The following CUL1 variants were observed in gnomAD, a reference collection of about 807,000 sequenced individuals.
CUL1 encodes cullin-1.
A neutral mutation model predicts 118.0 loss-of-function variants in CUL1; 24 were observed. The observed-to-expected ratio is 0.20, with a 90% CI of 0.15 to 0.29. The LOEUF (loss-of-function observed/expected upper bound fraction) is 0.29. CUL1 is among the 10% of genes least tolerant of loss of function. The pLI, the probability that CUL1 is intolerant of heterozygous loss-of-function variation, is 1.00. For synonymous variants in CUL1, 332 were observed against 340.4 expected, an observed-to-expected ratio of 0.98 and a Z score of 0.27; for missense variants, 361 against 933.8, an observed-to-expected ratio of 0.39 and a Z score of 7.99.
chr7:148,752,220 C>T (rs1470691239), intron 2 of CUL1, among the ~76,000 whole-genome samples: 2 of 152,072 alleles, frequency 1.3e-5, no homozygotes, highest in Admixed American at 1.3e-4. Context: ...GTGCTATTTG[C>T]TAGGGTAAGA....
intron 1 of CUL1, among the ~76,000 whole-genome samples, chr7:148,706,809 T>C (rs1393924395): frequency 6.6e-6 from 1 of 152,194 alleles, no homozygotes; most frequent in Admixed American, 6.5e-5. Flanking sequence ...ATTTTTATAA[T>C]GGAGCTCTGC....
At position 148,766,575 on chromosome 7, in the gene CUL1, G is replaced by C. The variant is rs145679557; in HGVS notation, c.804G>C (p.Leu268=). The change falls in exon 8 of 22, where the codon CTG becomes CTC. Residue 268 remains leucine, a synonymous_variant. Transcript: ENST00000325222. ...ATTTTCTCCAGGCAGAGGCTCGTCT[G>C]CTTGAGGAACAACGAAGAGTTCAGG... The part of the protein sequence containing the change: ...TEYMKKAEAR[L]LEEQRRVQVY... The C allele has an allele frequency of 1.0e-5, 16 of 1,607,980 alleles. No homozygotes were observed. The African/African-American group carries it at 1.7e-4, about 18-fold the overall frequency.
intron 1 of CUL1, among the ~76,000 whole-genome samples, chr7:148,703,983 G>A (rs868339591): frequency 6.6e-5 from 10 of 152,084 alleles, no homozygotes; most frequent in Admixed American, 4.6e-4. Context: ...CACCAAGCAC[G>A]GGAACTGTAA....
chr7:148,763,427 T>A (rs1042917995), intron 7 of CUL1, among the ~76,000 whole-genome samples: 7 of 152,342 alleles, frequency 4.6e-5, no homozygotes, highest in African/African-American at 1.7e-4. Flanking sequence ...TTTGACCATG[T>A]AATTCTGCTC....
At chr7:148,723,152 T>C (rs1162997291) in intron 1 of CUL1, among the ~76,000 whole-genome samples, 1 of 152,254 alleles carries the variant, frequency 6.6e-6, no homozygotes, top group Non-Finnish European at 1.5e-5. Flanking sequence ...TCTCTTGGCT[T>C]CCAGGCTTGG....
chr7:148,748,489 T>C (rs888085739), intron 2 of CUL1, among the ~76,000 whole-genome samples: 4 of 152,240 alleles, frequency 2.6e-5, no homozygotes, highest in Non-Finnish European at 5.9e-5. Context: ...TAATTTCAAA[T>C]ATGTATATTA....
At chr7:148,763,011 G>C (rs1799884274) in intron 7 of CUL1, among the ~76,000 whole-genome samples, 1 of 152,192 alleles carries the variant, frequency 6.6e-6, no homozygotes, top group Admixed American at 6.5e-5. Context: ...GCCAAGTGTG[G>C]TGGCGGACGC....
intron 1 of CUL1, among the ~76,000 whole-genome samples, chr7:148,712,586 T>C (rs1448556225): frequency 2.0e-5 from 3 of 152,212 alleles, no homozygotes; most frequent in Admixed American, 2.0e-4. Flanking sequence ...AGGAATTGCA[T>C]AGATATTAGA....
At chr7:148,798,742 G>A (rs980780895) in intron 20 of CUL1, 65 bp downstream of exon 20, 11 of 1,299,930 alleles carry the variant, frequency 8.5e-6, no homozygotes, top group Middle Eastern at 1.8e-4. Context: ...CGCAAGGACG[G>A]GCCGTGGGGG....
intron 11 of CUL1, among the ~76,000 whole-genome samples, chr7:148,786,289 T>A (rs1405774921): frequency 1.3e-5 from 2 of 152,246 alleles, no homozygotes; most frequent in Admixed American, 6.5e-5. Flanking sequence ...TCAGAATGTT[T>A]TTGGAAATGT....
At chr7:148,709,500 A>G (rs1797983704) in intron 1 of CUL1, among the ~76,000 whole-genome samples, 1 of 152,250 alleles carries the variant, frequency 6.6e-6, no homozygotes, top group Non-Finnish European at 1.5e-5. Flanking sequence ...TGATGTTAGC[A>G]TTAGTTCTTT....
At chr7:148,783,650 C>T (rs1341392655) in intron 9 of CUL1, 133 bp from the exon 10 acceptor site, 2 of 1,548,004 alleles carry the variant, frequency 1.3e-6, no homozygotes, top group East Asian at 2.4e-5. Context: ...ATTTCTTGCT[C>T]TTATCTCTTA....
chr7:148,731,890 C>T (rs183938519), intron 2 of CUL1, among the ~76,000 whole-genome samples: 1 of 152,164 alleles, frequency 6.6e-6, no homozygotes, highest in South Asian at 2.1e-4. Flanking sequence ...AGTTGTATAG[C>T]TAGTCTACAT....
At chr7:148,703,848 A>G (rs997972065) in intron 1 of CUL1, among the ~76,000 whole-genome samples, 1 of 152,122 alleles carries the variant, frequency 6.6e-6, no homozygotes, top group Non-Finnish European at 1.5e-5. Flanking sequence ...TATTTAAAGT[A>G]GTAAAAATGG....
intron 2 of CUL1, among the ~76,000 whole-genome samples, chr7:148,732,283 G>A (rs1798787298): frequency 6.6e-6 from 1 of 152,172 alleles, no homozygotes; most frequent in African/African-American, 2.4e-5. Context: ...ATCTGTGTCT[G>A]GAGAATTTCT....
At chr7:148,793,549 T>C (rs912593160) in intron 17 of CUL1, among the ~76,000 whole-genome samples, 1 of 152,202 alleles carries the variant, frequency 6.6e-6, no homozygotes, top group Non-Finnish European at 1.5e-5. Flanking sequence ...ATATAACACA[T>C]GACTTTCTGT....
intron 5 of CUL1, 63 bp from the exon 6 acceptor site, chr7:148,759,485 A>G (rs983226466): frequency 1.5e-6 from 2 of 1,329,080 alleles, no homozygotes; most frequent in Non-Finnish European, 2.2e-6. Flanking sequence ...TGTTTAAGGG[A>G]TATGTAGTAA....
At chr7:148,786,414 A>G in intron 11 of CUL1, 137 bp from the exon 12 acceptor site, 2 of 649,896 alleles carry the variant, frequency 3.1e-6, no homozygotes, top group African/African-American at 3.6e-5. Flanking sequence ...TAGGTAAGGA[A>G]AGTCAACCTT....
At chr7:148,744,397 AGTGTGTGTGTGTGTGTGTGTGT>A (rs56093418) in intron 2 of CUL1, among the ~76,000 whole-genome samples, 3 of 143,970 alleles carry the variant, frequency 2.1e-5, no homozygotes, top group South Asian at 2.3e-4. Context: ...TTGTTTCTGC[AGTGTGTGTGTGTGTGTGTGTGT>A]GTGTGTGTGT....
Sources: gnomAD v4.1 joint callset for allele counts (sites outside exome capture counted in the v4.1 genomes callset) on GRCh38, gnomAD v4.1.1 for gene constraint, MANE v1.5 for transcripts, NCBI Gene and HGNC (gene_info 2026-07-23, HGNC 2026-07-21) for gene names.